The following CIT variants were observed in gnomAD, a reference collection of about 807,000 sequenced individuals.
The protein encoded by CIT is citron rho-interacting serine/threonine kinase.
CIT carries 79 observed loss-of-function variants against 272.7 expected under a neutral mutation model. The observed-to-expected ratio is 0.29, with a 90% CI of 0.24 to 0.35. The LOEUF (loss-of-function observed/expected upper bound fraction) is 0.35. CIT is among the 10% of genes least tolerant of loss of function. CIT has a pLI of 1.00. For synonymous variants in CIT, 948 were observed against 995.6 expected (o/e 0.95, Z 0.90); for missense variants, 1,909 against 2,618.3 (o/e 0.73, Z 5.91).
chr12:119,695,128 T>C (rs77999444), intron 46 of CIT, among the ~76,000 whole-genome samples: 2,323 of 152,216 alleles, frequency 0.015, 61 homozygotes, highest in African/African-American at 0.054. Flanking sequence ...AGAGTGTTTA[T>C]GCAAGAAAAA....
intron 32 of CIT, among the ~76,000 whole-genome samples, chr12:119,714,912 C>T (rs370115276): frequency 1.3e-5 from 2 of 152,196 alleles, no homozygotes; most frequent in Non-Finnish European, 2.9e-5. Flanking sequence ...ATGACAACTA[C>T]AAAGTGAAAA....
At chr12:119,700,229 T>G (rs1211944386) in intron 44 of CIT, among the ~76,000 whole-genome samples, 1 of 152,246 alleles carries the variant, frequency 6.6e-6, no homozygotes, top group Non-Finnish European at 1.5e-5. Flanking sequence ...TGTGGGCTGG[T>G]GAATCTGGCG....
intron 18 of CIT, among the ~76,000 whole-genome samples, chr12:119,767,500 T>C (rs77027718): frequency 0.015 from 2,251 of 152,350 alleles, 32 homozygotes; most frequent in Non-Finnish European, 0.022. Context: ...AAGGCAACAC[T>C]GGAAAGTTTA....
At chr12:119,727,827 G>A (rs570239191) in intron 28 of CIT, among the ~76,000 whole-genome samples, 3 of 152,214 alleles carry the variant, frequency 2.0e-5, no homozygotes, top group African/African-American at 4.8e-5. Context: ...CTACTTAGGA[G>A]GCTGAGGTGG....
At chr12:119,794,274 A>G (rs1965547333) in intron 10 of CIT, among the ~76,000 whole-genome samples, 2 of 151,602 alleles carry the variant, frequency 1.3e-5, no homozygotes, top group Non-Finnish European at 2.9e-5. Context: ...TGTTGAGTGA[A>G]TGAATGAATG....
At chr12:119,757,012 C>T (rs9739159) in intron 22 of CIT, among the ~76,000 whole-genome samples, 2,153 of 151,686 alleles carry the variant, frequency 0.014, 40 homozygotes, top group African/African-American at 0.049. Flanking sequence ...CCCAGCTACT[C>T]GAGAAGCTGA....
intron 3 of CIT, among the ~76,000 whole-genome samples, chr12:119,859,196 C>T (rs1462167641): frequency 1.3e-5 from 2 of 152,210 alleles, no homozygotes; most frequent in Non-Finnish European, 2.9e-5. Context: ...ACAGGCATTA[C>T]ACACCAAGGG....
At chr12:119,860,592 T>C (rs1950307044) in intron 3 of CIT, among the ~76,000 whole-genome samples, 1 of 152,184 alleles carries the variant, frequency 6.6e-6, no homozygotes, top group Non-Finnish European at 1.5e-5. Flanking sequence ...TTGGATTGTT[T>C]ACAAAGTTGC....
At chr12:119,722,271 T>C (rs755900250) in intron 28 of CIT, among the ~76,000 whole-genome samples, 29 of 152,198 alleles carry the variant, frequency 1.9e-4, no homozygotes, top group Non-Finnish European at 4.0e-4. Context: ...AAACCCTGGA[T>C]TATAGCTTAA....
chr12:119,835,865 C>T (rs1295243363), intron 5 of CIT, among the ~76,000 whole-genome samples: 3 of 152,164 alleles, frequency 2.0e-5, no homozygotes, highest in African/African-American at 4.8e-5. Flanking sequence ...CGCATCCTCC[C>T]TGGGGGCTCC....
At chr12:119,858,875 T>C (rs1312844712) in intron 3 of CIT, among the ~76,000 whole-genome samples, 6 of 151,542 alleles carry the variant, frequency 4.0e-5, no homozygotes, top group Non-Finnish European at 5.9e-5. Context: ...GAGAACTAAA[T>C]GGGGTTCTGA....
intron 3 of CIT, among the ~76,000 whole-genome samples, chr12:119,858,067 G>A (rs1950223174): frequency 6.6e-6 from 1 of 152,202 alleles, no homozygotes; most frequent in Non-Finnish European, 1.5e-5. Context: ...GTGTGACATA[G>A]TCAACATGAG....
chr12:119,807,876 C>T (rs1466748651), intron 9 of CIT, among the ~76,000 whole-genome samples: 1 of 150,932 alleles, frequency 6.6e-6, no homozygotes, highest in South Asian at 2.1e-4. Context: ...CTATTGTTCA[C>T]TGGGAAAAGC....
intron 4 of CIT, 121 bp from the exon 5 acceptor site, chr12:119,850,396 G>GC (rs1970131486): frequency 2.4e-6 from 1 of 423,206 alleles, no homozygotes; most frequent in African/African-American, 2.3e-5. Context: ...AAAGGCAAAG[G>GC]AAAGAAGGGA....
intron 23 of CIT, among the ~76,000 whole-genome samples, chr12:119,746,132 T>A (rs1303406854): frequency 6.6e-6 from 1 of 152,162 alleles, no homozygotes; most frequent in African/African-American, 2.4e-5. Flanking sequence ...TCTTCCATGA[T>A]CACCAAAAAC....
chr12:119,720,137 G>A (rs551996247), intron 30 of CIT, among the ~76,000 whole-genome samples: 1 of 152,338 alleles, frequency 6.6e-6, no homozygotes, highest in African/African-American at 2.4e-5. Context: ...TCCCTCTAGA[G>A]TCATGTATGC....
chr12:119,756,948 G>A (rs1376201738), intron 22 of CIT, among the ~76,000 whole-genome samples: 1 of 151,960 alleles, frequency 6.6e-6, no homozygotes, highest in Non-Finnish European at 1.5e-5. Flanking sequence ...GGTCAACATG[G>A]CAAAACCCTG....
chr12:119,779,478 G>GA (rs1964092114), intron 13 of CIT, among the ~76,000 whole-genome samples: 1 of 152,002 alleles, frequency 6.6e-6, no homozygotes, highest in Admixed American at 6.5e-5. Flanking sequence ...TTCTTCTGAT[G>GA]AAAAAATTAA....
intron 4 of CIT, among the ~76,000 whole-genome samples, chr12:119,855,354 C>T (rs1416275426): frequency 3.9e-5 from 6 of 151,974 alleles, no homozygotes; most frequent in African/African-American, 1.5e-4. Flanking sequence ...ACCTGGGAGG[C>T]GGAGCTTGCA....
Sources: gnomAD v4.1 joint callset for allele counts (sites outside exome capture counted in the v4.1 genomes callset) on GRCh38, gnomAD v4.1.1 for gene constraint, MANE v1.5 for transcripts, NCBI Gene and HGNC (gene_info 2026-07-23, HGNC 2026-07-21) for gene names.